The following DDX59 variants were observed in gnomAD, a reference collection of about 807,000 sequenced individuals.
The protein encoded by DDX59 is DEAD-box helicase 59, also known as probable ATP-dependent RNA helicase DDX59.
DDX59 carries 30 observed loss-of-function variants against 51.9 expected under a neutral mutation model. The ratio of observed to expected loss-of-function variants is 0.58; its 90% confidence interval spans 0.43 to 0.78. DDX59 has a LOEUF of 0.78. Ranked by LOEUF, DDX59 falls within the 30% of genes least tolerant of loss-of-function variation. DDX59 has a pLI of 0.00. For synonymous variants in DDX59, 255 were observed against 253.3 expected, an observed-to-expected ratio of 1.01 and a Z score of -0.06; for missense variants, 672 against 730.8, an observed-to-expected ratio of 0.92 and a Z score of 0.93.
rs768425557 is a variant in DDX59 at position 200,649,082 on chromosome 1, T to C, written c.1459A>G (p.Ile487Val). The change falls in exon 6 of 8, where the codon ATA (isoleucine) becomes GTA (valine). Residue 487 changes from isoleucine (I) to valine (V), a missense_variant. By Grantham distance (29) the Ile-to-Val change is conservative (BLOSUM62 3). Coordinates refer to ENST00000331314, the MANE Select transcript of DDX59 (RefSeq NM_001031725.6). ...SEKSQIERKN[I>V]LKGLLEGDYE... Reference sequence around the variant, plus strand: ...AATATTGGGTGTCAAACCTTCAATATGTTTTTCCTTTCTATTTGCGACTTC... The same window carrying C: ...AATATTGGGTGTCAAACCTTCAATACGTTTTTCCTTTCTATTTGCGACTTC... 2 of 1,563,134 alleles carry C rather than the reference T, an allele frequency of 1.3e-6. No homozygotes were observed. The highest frequency in any genetic ancestry group is 2.3e-5 in the East Asian group (1 of 43,960).
intron 3 of DDX59, among the ~76,000 whole-genome samples, chr1:200,661,861 G>A (rs189591186): frequency 7.6e-4 from 115 of 152,310 alleles, no homozygotes; most frequent in Non-Finnish European, 1.3e-3. Context: ...CCCAATGTTG[G>A]AGGTGGGATC....
intron 3 of DDX59, among the ~76,000 whole-genome samples, chr1:200,661,493 A>G (rs1430805919): frequency 6.6e-6 from 1 of 152,224 alleles, no homozygotes; most frequent in African/African-American, 2.4e-5. Context: ...TGAAAAAAAC[A>G]AAGCATCTCT....
intron 1 of DDX59, among the ~76,000 whole-genome samples, chr1:200,668,718 C>T (rs1338812469): frequency 6.6e-6 from 1 of 152,194 alleles, no homozygotes; most frequent in East Asian, 1.9e-4. Flanking sequence ...AGGAGATAAT[C>T]AACTAAGAGC....
At chr1:200,658,017 G>C (rs1662141965) in intron 4 of DDX59, among the ~76,000 whole-genome samples, 1 of 152,218 alleles carries the variant, frequency 6.6e-6, no homozygotes, top group Non-Finnish European at 1.5e-5. Context: ...TGGAGTAAAT[G>C]TTCAAATCTT....
chr1:200,662,516 C>T (rs1238005628), intron 3 of DDX59, among the ~76,000 whole-genome samples: 2 of 152,068 alleles, frequency 1.3e-5, no homozygotes, highest in African/African-American at 4.8e-5. Context: ...CTTAGCTGGG[C>T]ATGGTGGTGG....
chr1:200,665,999 C>G lies in DDX59; in HGVS notation c.742G>C (p.Asp248His). The G allele has an allele frequency of 6.2e-7, 1 of 1,614,096 alleles. No individual in the cohort carries two copies. The highest frequency in any genetic ancestry group is 1.3e-5 in the African/African-American group (1 of 75,044). ...GCAGCTGTTTTTCCTGAGCCAGTATCTGCACTGGCCAGAATGTCTCTTCCC... is the reference window on the plus strand; with the variant it reads ...GCAGCTGTTTTTCCTGAGCCAGTATGTGCACTGGCCAGAATGTCTCTTCCC... ...LLGRDILASA[D>H]TGSGKTAAFL... The change falls in exon 2 of 8, where the codon GAT becomes CAT. Residue 248 changes from aspartate to histidine, a missense_variant. By Grantham distance (81) the Asp-to-His change is moderately conservative. Transcript: ENST00000331314.
intron 4 of DDX59, among the ~76,000 whole-genome samples, chr1:200,656,763 T>C (rs1291648213): frequency 1.3e-5 from 2 of 152,068 alleles, no homozygotes; most frequent in Non-Finnish European, 1.5e-5. Context: ...TAAAGAGAAG[T>C]GAGGATGAGG....
intron 7 of DDX59, among the ~76,000 whole-genome samples, chr1:200,647,284 T>A (rs946517897): frequency 3.3e-5 from 5 of 152,156 alleles, no homozygotes; most frequent in Non-Finnish European, 7.3e-5. Context: ...GAGAAGCTAT[T>A]GTTACCTTTG....
downstream of DDX59, chr1:200,641,371 TA>T: frequency 2.9e-6 from 1 of 345,720 alleles, no homozygotes; most frequent in South Asian, 3.9e-5. Context: ...ATGATCTTTG[TA>T]AAGATGTTAT....
intron 1 of DDX59, among the ~76,000 whole-genome samples, chr1:200,667,706 A>C (rs1459141825): frequency 6.6e-6 from 1 of 152,214 alleles, no homozygotes; most frequent in African/African-American, 2.4e-5. Context: ...CAAATCATAG[A>C]GAAAATGCTA....
chr1:200,648,464 G>A lies in DDX59; in HGVS notation c.1571C>T (p.Ser524Leu), dbSNP rs764950169. The A allele has an allele frequency of 1.9e-6, 3 of 1,614,100 alleles. No homozygotes were observed. Among genetic ancestry groups the A allele is most frequent in the Admixed American group, 3.3e-5 (2 of 60,026 alleles). The change falls in exon 7 of 8, where the codon TCA (serine) becomes TTA (leucine). Residue 524 changes from serine (S) to leucine (L), a missense_variant. Transcript: ENST00000331314. ...CTGATGGACATACTCATCCATACTT[G>A]AAGGCATATCAAAATTGACAACCAG... The part of the protein sequence containing the change: ...VRLVVNFDMP[S>L]SMDEYVHQIG...
chr1:200,658,875 T>C, intron 4 of DDX59, 152 bp downstream of exon 4: 1 of 591,144 alleles, frequency 1.7e-6, no homozygotes, highest in African/African-American at 1.9e-5. Context: ...TTAGCTTCAG[T>C]GCTACACAGG....
chr1:200,651,883 C>T (rs1661683900), intron 4 of DDX59, among the ~76,000 whole-genome samples: 1 of 151,728 alleles, frequency 6.6e-6, no homozygotes, highest in Non-Finnish European at 1.5e-5. Flanking sequence ...TGGCGGGTGC[C>T]TATAGTTCCA....
chr1:200,648,630 T>C, intron 6 of DDX59, 63 bp from the exon 7 acceptor site: 1 of 1,519,554 alleles, frequency 6.6e-7, no homozygotes, highest in South Asian at 1.3e-5. Flanking sequence ...TGTGTAATTC[T>C]GATAGCTTTT....
intron 4 of DDX59, among the ~76,000 whole-genome samples, chr1:200,657,108 G>A (rs1309091572): frequency 6.6e-6 from 1 of 152,042 alleles, no homozygotes; most frequent in African/African-American, 2.4e-5. Flanking sequence ...AAATTAGCCA[G>A]GCTTGGTGGC....
Position 200,667,132 on chromosome 1 carries a change from T to C in DDX59, c.-11-381A>G, listed in dbSNP as rs986065353. Among the ~76,000 whole-genome samples, 6 of 144,380 alleles carry C rather than the reference T, an allele frequency of 4.2e-5. No individual in the cohort carries two copies. The South Asian group carries it at 6.8e-4, about 16-fold the overall frequency. The allele number at this position is 144,380 out of a possible 152,430, so 94.7% of individuals were successfully genotyped here. On this transcript the variant is annotated intron_variant, in intron 1 of 7. Transcript: ENST00000331314. ...AAAAAATTTTTAAAAAGGCCAGGCG[T>C]GGTGGCTCACACCTGTAATCCCAGC...
intron 4 of DDX59, among the ~76,000 whole-genome samples, chr1:200,652,600 CAT>C (rs1661736365): frequency 4.6e-5 from 7 of 151,370 alleles, no homozygotes; most frequent in Admixed American, 4.6e-4. Context: ...CACTTTCTAA[CAT>C]GTCTTTAATG....
intron 5 of DDX59, among the ~76,000 whole-genome samples, chr1:200,650,193 T>C (rs1386109400): frequency 6.6e-6 from 1 of 152,178 alleles, no homozygotes; most frequent in African/African-American, 2.4e-5. Context: ...ATAATCTTGA[T>C]ATTTAAATAT....
intron 5 of DDX59, among the ~76,000 whole-genome samples, chr1:200,649,947 A>G (rs906754604): frequency 6.7e-6 from 1 of 149,872 alleles, no homozygotes; most frequent in Non-Finnish European, 1.5e-5. Flanking sequence ...GATTCACACC[A>G]TTCTCCTGCC....
Sources: allele counts gnomAD v4.1 joint callset (sites outside exome capture counted in the v4.1 genomes callset), GRCh38; gene constraint gnomAD v4.1.1; transcripts MANE v1.5; gene names NCBI Gene and HGNC (gene_info 2026-07-23, HGNC 2026-07-21).